The following CFAP47 variants were observed in gnomAD, a reference collection of about 807,000 sequenced individuals.
The protein encoded by CFAP47 is cilia and flagella associated protein 47.
Under a neutral mutation model 148.1 loss-of-function variants are expected in CFAP47, and 29 were observed. That is an observed-to-expected ratio of 0.20 (90% CI 0.15 to 0.27). The LOEUF is 0.27. CFAP47 is among the 10% of genes least tolerant of loss of function. The pLI is 1.00. For synonymous variants in CFAP47, 664 were observed against 577.3 expected (o/e 1.15, Z -2.15); for missense variants, 1,872 against 1,697.5 (o/e 1.10, Z -1.81).
rs142646358 is a variant in CFAP47 at position 36,016,053 on chromosome X, T to G, written c.3556+1141T>G. Among the ~76,000 whole-genome samples the G allele has an allele frequency of 8.4e-3, 931 of 110,420 alleles. 3 individuals are homozygous for G. The highest frequency in any genetic ancestry group is 0.014 in the Middle Eastern group (3 of 214). ...TAGGTGTATATCTTTATGGGGTACA[T>G]GAGATGTTTTGATACTGGCATGCAA... is the stretch of plus-strand genomic sequence containing the variant. On this transcript the variant is annotated intron_variant, in intron 22 of 63. Coordinates refer to ENST00000378653, the MANE Select transcript of CFAP47 (RefSeq NM_001304548.2).
At chrX:35,957,612 T>C (rs900925207) in intron 8 of CFAP47, among the ~76,000 whole-genome samples, 3 of 112,206 alleles carry the variant, frequency 2.7e-5, no homozygotes, top group African/African-American at 9.7e-5. Flanking sequence ...CTTTCTAGAT[T>C]TCCTGTAGTC....
At chrX:36,067,875 T>C (rs1431243546) in intron 27 of CFAP47, among the ~76,000 whole-genome samples, 1 of 110,088 alleles carries the variant, frequency 9.1e-6, no homozygotes, top group Non-Finnish European at 1.9e-5. Flanking sequence ...GTGGTCTCAA[T>C]CTCCTGACCT....
intron 26 of CFAP47, among the ~76,000 whole-genome samples, chrX:36,054,189 C>G (rs1414530777): frequency 8.9e-6 from 1 of 112,184 alleles, no homozygotes; most frequent in East Asian, 2.8e-4. Flanking sequence ...ACAGCCCTCT[C>G]CATCTCATCT....
chrX:35,963,455 A>C (rs1936361471), intron 8 of CFAP47, among the ~76,000 whole-genome samples: 2 of 110,884 alleles, frequency 1.8e-5, no homozygotes, highest in Non-Finnish European at 3.8e-5. Flanking sequence ...ATGTAAAGAA[A>C]ATCCATTTAC....
In CFAP47 at chrX:36,071,829, G is replaced by C. The variant is rs1359943828; in HGVS notation, c.4323G>C (p.Lys1441Asn). 8.3e-7 allele frequency: 1 copy of C among 1,204,606 alleles called. No homozygotes were observed. The highest frequency in any genetic ancestry group is 2.3e-4 in the Middle Eastern group (1 of 4,329). Residue 1441 changes from lysine to asparagine, a missense_variant, in exon 28 of 64, where the codon AAG becomes AAC. Physicochemically the swap from Lys to Asn is moderately conservative, Grantham distance 94 (BLOSUM62 0). Coordinates refer to ENST00000378653, the MANE Select transcript of CFAP47 (RefSeq NM_001304548.2). Reference protein sequence around the residue: ...DKQNIILKNDKDEYLKKTRDG... With the variant: ...DKQNIILKNDNDEYLKKTRDG... ...GATCCAATGTGTCATTTGTAGATAA[G>C]GATGAATATCTTAAGAAGACTAGAG...
chrX:36,242,722 A>G (rs1288773590), intron 48 of CFAP47, among the ~76,000 whole-genome samples: 2 of 112,117 alleles, frequency 1.8e-5, no homozygotes, highest in Non-Finnish European at 3.8e-5. Flanking sequence ...TTCGTGAGAG[A>G]AGGAGAGAAA....
chrX:36,022,240 G>T (rs996745553), intron 22 of CFAP47, among the ~76,000 whole-genome samples: 1 of 111,536 alleles, frequency 9.0e-6, no homozygotes, highest in Middle Eastern at 4.6e-3. Context: ...GGATAATTTT[G>T]CCAGACATAC....
At chrX:36,286,022 G>A (rs933336432) in intron 51 of CFAP47, among the ~76,000 whole-genome samples, 6 of 111,383 alleles carry the variant, frequency 5.4e-5, no homozygotes, top group Admixed American at 9.6e-5. Flanking sequence ...TTCACACATA[G>A]ATGATAAAAA....
chrX:35,939,978 A>C (rs1935979309), intron 2 of CFAP47, among the ~76,000 whole-genome samples: 1 of 109,040 alleles, frequency 9.2e-6, no homozygotes, highest in African/African-American at 3.3e-5. Flanking sequence ...CTTTTTCATG[A>C]TCGCCATTCT....
At chrX:36,092,419 A>G (rs756926013) in intron 30 of CFAP47, among the ~76,000 whole-genome samples, 1 of 110,928 alleles carries the variant, frequency 9.0e-6, no homozygotes, top group Admixed American at 9.6e-5. Flanking sequence ...TTATAATATT[A>G]TAACAGGAAT....
intron 57 of CFAP47, among the ~76,000 whole-genome samples, chrX:36,340,037 A>G (rs782357585): frequency 2.7e-5 from 3 of 111,842 alleles, no homozygotes; most frequent in Non-Finnish European, 5.6e-5. Context: ...ATAACCTTCT[A>G]TTAAATCTCA....
chrX:36,286,177 C>T (rs1941130609), intron 51 of CFAP47, among the ~76,000 whole-genome samples: 1 of 110,874 alleles, frequency 9.0e-6, no homozygotes, highest in Admixed American at 9.6e-5. Context: ...ATGTGAATTA[C>T]TAAAATGTTA....
chrX:36,259,193 G>A (rs1555999605), intron 49 of CFAP47, among the ~76,000 whole-genome samples: 1 of 110,905 alleles, frequency 9.0e-6, no homozygotes, highest in African/African-American at 3.3e-5. Flanking sequence ...CATTGAAAAC[G>A]ATCATTTAGG....
intron 1 of CFAP47, among the ~76,000 whole-genome samples, chrX:35,924,460 G>GTGCACCTGTATGTGTATATAT (rs1569202172): frequency 2.0e-5 from 2 of 100,900 alleles, no homozygotes; most frequent in East Asian, 3.2e-4. Context: ...TGTGTATATA[G>GTGCACCTGTATGTGTATATAT]GTGCACCTAT....
chrX:36,285,231 G>A (rs1030157039), intron 50 of CFAP47, among the ~76,000 whole-genome samples: 1 of 110,964 alleles, frequency 9.0e-6, no homozygotes, highest in African/African-American at 3.3e-5. Context: ...ATGTAGCATT[G>A]TAAATTGTAA....
At chrX:36,068,084 T>C (rs1264386078) in intron 27 of CFAP47, among the ~76,000 whole-genome samples, 1 of 112,428 alleles carries the variant, frequency 8.9e-6, no homozygotes, top group Admixed American at 9.4e-5. Context: ...TTGTCATTTC[T>C]GGACATTTTT....
intron 57 of CFAP47, among the ~76,000 whole-genome samples, chrX:36,338,662 T>C (rs1941628306): frequency 8.9e-6 from 1 of 111,892 alleles, no homozygotes; most frequent in African/African-American, 3.3e-5. Flanking sequence ...AGAGGCTATC[T>C]TCTCTTTTCA....
In CFAP47 at chrX:35,924,146, T is replaced by C. The variant is rs182378369; in HGVS notation, c.250-1871T>C. ...GTACATATATGTATATGTGTACATG[T>C]ATGCGTACATATATGTATATATGTA... On this transcript the variant is annotated intron_variant, in intron 1 of 63. Transcript: ENST00000378653. Among the ~76,000 whole-genome samples, 50 of 98,360 alleles carry C rather than the reference T, an allele frequency of 5.1e-4. 2 individuals carry two copies. Among genetic ancestry groups the C allele is most frequent in the Middle Eastern group, 5.3e-3 (1 of 189 alleles). The allele number at this position is 98,360 out of a possible 115,157, so 85.4% of individuals were successfully genotyped here.
chrX:36,270,839 G>A, intron 49 of CFAP47, among the ~76,000 whole-genome samples: 1 of 108,381 alleles, frequency 9.2e-6, no homozygotes, highest in Non-Finnish European at 1.9e-5. Flanking sequence ...TCTTCATGAT[G>A]TCTATTGAAG....
Sources: allele counts gnomAD v4.1 joint callset (sites outside exome capture counted in the v4.1 genomes callset), GRCh38; gene constraint gnomAD v4.1.1; transcripts MANE v1.5; gene names NCBI Gene and HGNC (gene_info 2026-07-23, HGNC 2026-07-21).